Variants in ATXN7 observed in about 807,000 individuals in gnomAD.
The protein encoded by ATXN7 is ataxin-7.
Under a neutral mutation model 70.5 loss-of-function variants are expected in ATXN7, and 12 were observed. The ratio of observed to expected loss-of-function variants is 0.17; its 90% confidence interval spans 0.11 to 0.28. ATXN7 has a LOEUF of 0.28. Ranked by LOEUF, ATXN7 falls within the 10% of genes least tolerant of loss-of-function variation. The pLI is 1.00. For missense variants in ATXN7, 1,256 were observed against 1,131.7 expected, an observed-to-expected ratio of 1.11 and a Z score of -1.58; for synonymous variants, 498 against 448.7, an observed-to-expected ratio of 1.11 and a Z score of -1.39.
At chr3:63,884,711 A>T (rs920448496) in intron 1 of ATXN7, among the ~76,000 whole-genome samples, 2 of 151,712 alleles carry the variant, frequency 1.3e-5, no homozygotes, top group African/African-American at 4.8e-5. Context: ...GTGCAGTGGC[A>T]CAATCTTAGC....
chr3:63,986,375 C>T (rs1038201777), intron 8 of ATXN7, among the ~76,000 whole-genome samples: 1 of 152,184 alleles, frequency 6.6e-6, no homozygotes, highest in Non-Finnish European at 1.5e-5. Flanking sequence ...GGAAACCCTA[C>T]TTAGGCTTCA....
intron 4 of ATXN7, among the ~76,000 whole-genome samples, chr3:63,944,555 C>T (rs919241082): frequency 3.3e-5 from 5 of 152,010 alleles, no homozygotes; most frequent in Admixed American, 3.3e-4. Flanking sequence ...TCCTGCTGTT[C>T]GGAATGGCTT....
At chr3:63,937,895 G>T (rs967708495) in intron 4 of ATXN7, among the ~76,000 whole-genome samples, 6 of 152,154 alleles carry the variant, frequency 3.9e-5, no homozygotes, top group African/African-American at 1.4e-4. Context: ...ATACTACAGG[G>T]TTGCAAGGAT....
intron 5 of ATXN7, among the ~76,000 whole-genome samples, chr3:63,953,107 G>C (rs1338952047): frequency 1.3e-5 from 2 of 152,090 alleles, no homozygotes; most frequent in Non-Finnish European, 2.9e-5. Flanking sequence ...AGAGTTTACA[G>C]TCGAATTGGA....
intron 4 of ATXN7, among the ~76,000 whole-genome samples, chr3:63,922,440 G>A (rs1037409198): frequency 6.6e-6 from 1 of 152,208 alleles, no homozygotes; most frequent in Admixed American, 6.5e-5. Context: ...GCAGAGAGAA[G>A]CATGATGTGG....
At chr3:63,931,462 G>T (rs950686083) in intron 4 of ATXN7, among the ~76,000 whole-genome samples, 2 of 152,108 alleles carry the variant, frequency 1.3e-5, no homozygotes, top group African/African-American at 4.8e-5. Context: ...GTTGTCAGGG[G>T]CTCAGGGAGA....
chr3:63,956,179 T>C (rs930302961), intron 5 of ATXN7, among the ~76,000 whole-genome samples: 3 of 152,110 alleles, frequency 2.0e-5, no homozygotes, highest in African/African-American at 7.2e-5. Flanking sequence ...TGATGTTGTT[T>C]TAATGTTTTA....
intron 1 of ATXN7, among the ~76,000 whole-genome samples, chr3:63,880,361 T>C (rs1702875066): frequency 6.6e-6 from 1 of 152,204 alleles, no homozygotes; most frequent in African/African-American, 2.4e-5. Flanking sequence ...ACAGTTGCCG[T>C]GTCCTAGAAG....
chr3:63,976,624 AAAG>A (rs747278100), intron 5 of ATXN7, among the ~76,000 whole-genome samples: 12 of 152,220 alleles, frequency 7.9e-5, no homozygotes, highest in Admixed American at 6.5e-4. Context: ...ATAGGCAAGA[AAAG>A]AAGATTTTAA....
At chr3:63,866,901 A>G (rs1201621570) in intron 1 of ATXN7, 1 of 151,862 alleles carries the variant, frequency 6.6e-6, no homozygotes, top group African/African-American at 2.4e-5. Context: ...AAACTGATTC[A>G]GACTTTGAAC....
At chr3:63,905,105 C>T (rs2107278554) in intron 2 of ATXN7, 1 of 152,146 alleles carries the variant, frequency 6.6e-6, no homozygotes, top group Non-Finnish European at 1.5e-5. Context: ...TGTGTAGGTT[C>T]TGTGGGTTTT....
intron 1 of ATXN7, among the ~76,000 whole-genome samples, chr3:63,870,544 C>A (rs150897617): frequency 3.9e-5 from 6 of 152,050 alleles, no homozygotes; most frequent in Admixed American, 1.3e-4. Flanking sequence ...ATTGTGTGGC[C>A]GCCTTAGCAC....
intron 1 of ATXN7, among the ~76,000 whole-genome samples, chr3:63,886,948 A>G (rs182154815): frequency 1.3e-5 from 2 of 152,314 alleles, no homozygotes; most frequent in African/African-American, 4.8e-5. Flanking sequence ...GCTTCTGCCC[A>G]GTAGCAGTCC....
intron 11 of ATXN7, among the ~76,000 whole-genome samples, chr3:63,994,262 CCTCA>C (rs1164346797): frequency 6.6e-6 from 1 of 151,998 alleles, no homozygotes; most frequent in Non-Finnish European, 1.5e-5. Flanking sequence ...TGAAACAGGG[CCTCA>C]CTCAGTCACC....
chr3:63,914,629 G>A (rs1704188696), intron 4 of ATXN7, among the ~76,000 whole-genome samples: 2 of 152,088 alleles, frequency 1.3e-5, no homozygotes. Flanking sequence ...CTTGTTCTTA[G>A]TTTTCATTCT....
intron 1 of ATXN7, among the ~76,000 whole-genome samples, chr3:63,895,751 T>G (rs193263041): frequency 4.0e-5 from 6 of 151,488 alleles, no homozygotes; most frequent in African/African-American, 1.5e-4. Flanking sequence ...CTCTCTCTCT[T>G]TCTCTCTTTT....
At chr3:63,982,079 C>G in intron 6 of ATXN7, 107 bp from the exon 7 acceptor site, 1 of 1,467,034 alleles carries the variant, frequency 6.8e-7, no homozygotes, top group Non-Finnish European at 9.4e-7. Context: ...TGGCCCTGTG[C>G]AGCGCTTGGG....
chr3:63,965,270 T>A (rs1298963277), intron 5 of ATXN7, among the ~76,000 whole-genome samples: 3 of 152,166 alleles, frequency 2.0e-5, no homozygotes, highest in African/African-American at 7.2e-5. Context: ...TCAAATTTAC[T>A]CCTCACCCCA....
At chr3:63,967,748 T>C in intron 5 of ATXN7, 4 of 1,411,090 alleles carry the variant, frequency 2.8e-6, no homozygotes, top group Non-Finnish European at 3.7e-6. Context: ...CCCCCTGTTT[T>C]CTGTTGATCT....
Sources: allele counts gnomAD v4.1 joint callset (sites outside exome capture counted in the v4.1 genomes callset), GRCh38; gene constraint gnomAD v4.1.1; transcripts MANE v1.5; gene names NCBI Gene and HGNC (gene_info 2026-07-23, HGNC 2026-07-21).